Variants in DMXL1 observed in about 807,000 individuals in gnomAD.
DMXL1 encodes the protein Dmx like 1.
In DMXL1, 99 loss-of-function variants were observed where a neutral mutation model predicts 319.2. The ratio of observed to expected loss-of-function variants is 0.31; its 90% CI spans 0.26 to 0.37. The LOEUF (loss-of-function observed/expected upper bound fraction) is 0.37, where lower values mean the gene tolerates loss of function less well. Among genes scored for constraint, DMXL1 ranks in the 10% least tolerant of loss-of-function variants. The pLI is 1.00. For missense variants in DMXL1, 3,745 were observed against 3,595.6 expected, an observed-to-expected ratio of 1.04 and a Z score of -1.06; for synonymous variants, 1,385 against 1,235.2, an observed-to-expected ratio of 1.12 and a Z score of -2.54.
chr5:119,240,401 C>CTTT lies in DMXL1; in HGVS notation c.8652-7_8652-5dup, dbSNP rs377456338. ...AGCTTTTGTGTCACTCAGAAGTAAT[C>CTTT]TTTTTTTTTTTTTCCAGAAACGTAT... On this transcript the variant is annotated splice_polypyrimidine_tract_variant and intron_variant, in intron 41 of 43. Transcript: ENST00000539542. 123 of 1,252,146 alleles carry CTTT rather than the reference C, an allele frequency of 9.8e-5. No homozygotes were observed. The highest frequency in any genetic ancestry group is 1.2e-4 in the Non-Finnish European group (104 of 898,760). 77.6% of individuals were successfully genotyped at this position (1,252,146 alleles called of 1,614,324 possible). A position where few individuals can be genotyped will look rare whatever the true frequency, so the allele number is the denominator to read the frequency against.
chr5:119,157,556 C>G (rs1464693905), intron 19 of DMXL1, among the ~76,000 whole-genome samples: 1 of 152,084 alleles, frequency 6.6e-6, no homozygotes, highest in Non-Finnish European at 1.5e-5. Context: ...CTAGTTTTCC[C>G]AGCACCATTT....
At chr5:119,152,503 A>G (rs1258027441) in intron 19 of DMXL1, among the ~76,000 whole-genome samples, 1 of 152,228 alleles carries the variant, frequency 6.6e-6, no homozygotes, top group Non-Finnish European at 1.5e-5. Flanking sequence ...CTGATAAAAT[A>G]TGTATTTCAG....
chr5:119,203,342 C>A lies in DMXL1; in HGVS notation c.7769C>A (p.Ser2590Tyr). The change falls in exon 33 of 44, where the codon TCT becomes TAT. Residue 2590 changes from serine to tyrosine, a missense_variant. Transcript: ENST00000539542. ...PFKSKHHLALSVKRLWQYLVK... is the reference protein window; with the variant it reads ...PFKSKHHLALYVKRLWQYLVK... ...AGATCCAAACACCATCTGGCACTGT[C>A]TGTGAAGAGGCTTTGGCAGTATTTG... The A allele has an allele frequency of 6.3e-7, 1 of 1,599,784 alleles. No homozygotes were observed. Among genetic ancestry groups the A allele is most frequent in the South Asian group, 1.1e-5 (1 of 88,214 alleles).
chr5:119,201,886 T>C (rs1379631528), intron 32 of DMXL1, among the ~76,000 whole-genome samples: 1 of 152,184 alleles, frequency 6.6e-6, no homozygotes, highest in Non-Finnish European at 1.5e-5. Context: ...CTGATGGTTA[T>C]TTTTATTTCT....
At chr5:119,122,025 G>A (rs1335521210) in intron 9 of DMXL1, among the ~76,000 whole-genome samples, 1 of 146,498 alleles carries the variant, frequency 6.8e-6, no homozygotes, top group Non-Finnish European at 1.5e-5. Flanking sequence ...CGGGGCGGCT[G>A]GCCGGGCAGG....
chr5:119,198,918 G>C (rs1234643363), intron 32 of DMXL1, among the ~76,000 whole-genome samples: 1 of 152,102 alleles, frequency 6.6e-6, no homozygotes, highest in Non-Finnish European at 1.5e-5. Context: ...ACAAAGTCTT[G>C]CTCTATTAAT....
rs141734957 is a variant in DMXL1 at position 119,165,818 on chromosome 5, A to G, written c.4970+538A>G. 7.0e-4 allele frequency among the ~76,000 whole-genome samples: 107 copies of G among 152,314 alleles called. 3 individuals are homozygous for G. In the East Asian group the frequency reaches 0.016, roughly 23 times the overall value. The stretch of plus-strand genomic sequence containing the variant: ...GAATAGCATGGAAAAGACTTGCCCC[A>G]ATGATTCAGTTACCTCCCACTGGGT... On this transcript the variant is annotated intron_variant, in intron 21 of 43. Coordinates refer to ENST00000539542, the MANE Select transcript of DMXL1 (RefSeq NM_001290321.3).
chr5:119,131,572 A>G (rs1764909766), intron 10 of DMXL1, among the ~76,000 whole-genome samples: 1 of 152,206 alleles, frequency 6.6e-6, no homozygotes, highest in Non-Finnish European at 1.5e-5. Flanking sequence ...TCCCAATTTT[A>G]GTTCCAATTC....
At chr5:119,198,909 CAA>C (rs1342354158) in intron 32 of DMXL1, among the ~76,000 whole-genome samples, 4 of 152,032 alleles carry the variant, frequency 2.6e-5, no homozygotes, top group African/African-American at 9.7e-5. Context: ...TTTTTGGAGA[CAA>C]AGTCTTGCTC....
At chr5:119,205,488 C>T (rs1055039232) in intron 33 of DMXL1, among the ~76,000 whole-genome samples, 5 of 151,846 alleles carry the variant, frequency 3.3e-5, no homozygotes, top group African/African-American at 1.2e-4. Context: ...GTTGGACTAA[C>T]AGTTTTGTGA....
intron 28 of DMXL1, among the ~76,000 whole-genome samples, chr5:119,185,840 TGATTAAGAAG>T (rs1777620131): frequency 6.6e-6 from 1 of 152,190 alleles, no homozygotes; most frequent in African/African-American, 2.4e-5. Flanking sequence ...TATTCTTTGA[TGATTAAGAAG>T]TACCTTCAAT....
rs888746423 is a variant in DMXL1 at position 119,071,486 on chromosome 5, C to T, written c.-84C>T. 1 of 1,373,226 alleles carries T rather than the reference C, an allele frequency of 7.3e-7. No homozygotes were observed. Among genetic ancestry groups the T allele is most frequent in the Non-Finnish European group, 1.0e-6 (1 of 988,004 alleles). The allele number at this position is 1,373,226 out of a possible 1,614,324, so 85.1% of individuals were successfully genotyped here. On this transcript the variant is annotated 5_prime_UTR_variant, in exon 1 of 44. Transcript: ENST00000539542. ...GTCGCCACCGAAGAGCGGCCGCCGCCCCTGAGGGAAGGAGGGAGGGAAGCA... is the reference window on the plus strand; with the variant it reads ...GTCGCCACCGAAGAGCGGCCGCCGCTCCTGAGGGAAGGAGGGAGGGAAGCA...
At chr5:119,196,741 T>C (rs1581260879) in intron 31 of DMXL1, among the ~76,000 whole-genome samples, 1 of 152,228 alleles carries the variant, frequency 6.6e-6, no homozygotes, top group South Asian at 2.1e-4. Context: ...GATTTTACAA[T>C]GGAGAGAAAA....
chr5:119,160,774 C>CT (rs1404107551), intron 19 of DMXL1, among the ~76,000 whole-genome samples: 1 of 152,106 alleles, frequency 6.6e-6, no homozygotes, highest in Non-Finnish European at 1.5e-5. Flanking sequence ...TAACATACTT[C>CT]TTTGTCTCCT....
At chr5:119,224,277 A>C (rs1295006144) in intron 37 of DMXL1, among the ~76,000 whole-genome samples, 1 of 152,102 alleles carries the variant, frequency 6.6e-6, no homozygotes, top group East Asian at 1.9e-4. Context: ...CTTATTTGAC[A>C]GGCTAGTTAA....
At chr5:119,075,878 T>G (rs1750734342) in intron 1 of DMXL1, among the ~76,000 whole-genome samples, 1 of 152,206 alleles carries the variant, frequency 6.6e-6, no homozygotes, top group Non-Finnish European at 1.5e-5. Context: ...AATTTTTGCT[T>G]TTAGAATTAA....
At chr5:119,091,562 T>C (rs1754802575) in intron 1 of DMXL1, among the ~76,000 whole-genome samples, 1 of 152,152 alleles carries the variant, frequency 6.6e-6, no homozygotes, top group South Asian at 2.1e-4. Context: ...GATTAGTTAT[T>C]TATTCTAGTC....
At chr5:119,085,362 AAATAT>A (rs916734187) in intron 1 of DMXL1, among the ~76,000 whole-genome samples, 1 of 150,858 alleles carries the variant, frequency 6.6e-6, no homozygotes, top group Non-Finnish European at 1.5e-5. Flanking sequence ...ATAAATAAAT[AAATAT>A]AATAATAATA....
chr5:119,130,341 TTTTG>T (rs1219996137), intron 10 of DMXL1, among the ~76,000 whole-genome samples: 5 of 152,022 alleles, frequency 3.3e-5, no homozygotes, highest in South Asian at 2.1e-4. Flanking sequence ...TGTGTTTTTT[TTTTG>T]TTTGTTTGTT....
Sources: gnomAD v4.1 joint callset for allele counts (sites outside exome capture counted in the v4.1 genomes callset) on GRCh38, gnomAD v4.1.1 for gene constraint, MANE v1.5 for transcripts, NCBI Gene and HGNC (gene_info 2026-07-23, HGNC 2026-07-21) for gene names.